The following TNRC6C variants were observed in gnomAD, a reference collection of about 807,000 sequenced individuals.
TNRC6C encodes trinucleotide repeat-containing gene 6C protein.
A neutral mutation model predicts 153.7 loss-of-function variants in TNRC6C; 20 were observed. That is an observed-to-expected ratio of 0.13 (90% confidence interval 0.09 to 0.19). The LOEUF (loss-of-function observed/expected upper bound fraction) is 0.19. TNRC6C is among the 10% of genes least tolerant of loss of function. TNRC6C has a pLI of 1.00. For missense variants in TNRC6C, 1,987 were observed against 2,172.0 expected (o/e 0.91, Z 1.69); for synonymous variants, 811 against 841.4 (o/e 0.96, Z 0.63).
At chr17:78,034,498 C>T (rs1170366991) in intron 2 of TNRC6C, among the ~76,000 whole-genome samples, 2 of 151,968 alleles carry the variant, frequency 1.3e-5, no homozygotes, top group South Asian at 2.1e-4. Context: ...GTTCATTGTC[C>T]CCCCGCACCC....
At position 78,072,916 on chromosome 17, in the gene TNRC6C, A is replaced by C; in HGVS notation, c.2860-121A>C. On this transcript the variant is annotated intron_variant, in intron 6 of 19. Transcript: ENST00000301624. ...TTGTCTCTAACCTCAACAGTGAAGA[A>C]ATGTATTTCCAGTTCCAAAACCTAA... The C allele has an allele frequency of 6.2e-6, 4 of 648,310 alleles. No homozygotes were observed. In the South Asian group the frequency reaches 8.7e-5, roughly 14 times the overall value. 40.2% of individuals were successfully genotyped at this position (648,310 alleles called of 1,614,324 possible).
intron 1 of TNRC6C, among the ~76,000 whole-genome samples, chr17:77,973,394 C>T (rs978804077): frequency 4.6e-5 from 7 of 152,168 alleles, no homozygotes; most frequent in Non-Finnish European, 8.8e-5. Flanking sequence ...TAATATTATA[C>T]GGAAGAGTGA....
At chr17:78,047,869 C>T (rs866053635) in intron 2 of TNRC6C, among the ~76,000 whole-genome samples, 3 of 151,870 alleles carry the variant, frequency 2.0e-5, no homozygotes, top group South Asian at 2.1e-4. Flanking sequence ...AAAAGTTGAT[C>T]GAAATATAAG....
At chr17:78,060,023 T>A (rs2072735586) in intron 3 of TNRC6C, among the ~76,000 whole-genome samples, 1 of 152,110 alleles carries the variant, frequency 6.6e-6, no homozygotes, top group Non-Finnish European at 1.5e-5. Context: ...AAGAAGCTGT[T>A]CTAAGGGAAG....
At chr17:77,973,264 A>G (rs917266561) in intron 1 of TNRC6C, among the ~76,000 whole-genome samples, 3 of 144,092 alleles carry the variant, frequency 2.1e-5, no homozygotes, top group African/African-American at 8.9e-5. Context: ...TAAATGCAGA[A>G]AAAGCATTTG....
rs139030959 is a variant in TNRC6C, at chr17:78,069,994, A to G, written c.2779-1091A>G. 1.6e-4 allele frequency among the ~76,000 whole-genome samples: 24 copies of G among 152,210 alleles called. No homozygotes were observed. In the East Asian group the frequency reaches 3.9e-3, roughly 24 times the overall value. Reference sequence around the variant, plus strand: ...GCAAATGGGGTGGCATGAGATGAAAACTTTCTTTATACCTTGTTTATACTT... The same window carrying G: ...GCAAATGGGGTGGCATGAGATGAAAGCTTTCTTTATACCTTGTTTATACTT... On this transcript the variant is annotated intron_variant, in intron 5 of 19. Transcript: ENST00000301624.
At position 78,086,850 on chromosome 17, in the gene TNRC6C, C is replaced by T; in HGVS notation, c.3562-3C>T. 1 of 1,611,112 alleles carries T rather than the reference C, an allele frequency of 6.2e-7. No individual in the cohort carries two copies. The highest frequency in any genetic ancestry group is 8.5e-7 in the Non-Finnish European group (1 of 1,179,180). ...TTAACGCACCTATGTCTCTGCCTGC[C>T]AGGTTGCGCGCACAATCACTAATCT... is the stretch of plus-strand genomic sequence containing the variant. On this transcript the variant is annotated splice_region_variant and splice_polypyrimidine_tract_variant and intron_variant, in intron 12 of 19. Coordinates refer to ENST00000301624, the Ensembl canonical transcript of TNRC6C.
intron 16 of TNRC6C, among the ~76,000 whole-genome samples, chr17:78,096,462 A>G (rs1324307789): frequency 1.3e-5 from 2 of 152,228 alleles, no homozygotes; most frequent in African/African-American, 4.8e-5. Context: ...TTACCCATAA[A>G]TGTTAACTTG....
intron 1 of TNRC6C, among the ~76,000 whole-genome samples, chr17:77,966,707 G>T (rs775873915): frequency 3.3e-5 from 5 of 152,142 alleles, no homozygotes; most frequent in Non-Finnish European, 5.9e-5. Flanking sequence ...ATAAATCCAA[G>T]TATGTGATGA....
chr17:77,995,388 G>A (rs973392244), intron 1 of TNRC6C, among the ~76,000 whole-genome samples: 5 of 152,206 alleles, frequency 3.3e-5, no homozygotes, highest in African/African-American at 1.2e-4. Context: ...TGTCTCTAGT[G>A]CCCTGTACTG....
At chr17:78,098,911 C>T (rs934943350) in intron 17 of TNRC6C, among the ~76,000 whole-genome samples, 1 of 152,204 alleles carries the variant, frequency 6.6e-6, no homozygotes, top group African/African-American at 2.4e-5. Context: ...CCCCTTCGCA[C>T]AGGGATCTGG....
upstream of TNRC6C, among the ~76,000 whole-genome samples, chr17:78,004,520 G>A (rs2071463323): frequency 6.6e-6 from 1 of 152,182 alleles, no homozygotes; most frequent in African/African-American, 2.4e-5. Context: ...GGTGAAGTGT[G>A]TCCATGTTGT....
chr17:77,995,084 A>G (rs1207578833), intron 1 of TNRC6C, among the ~76,000 whole-genome samples: 1 of 152,238 alleles, frequency 6.6e-6, no homozygotes, highest in Non-Finnish European at 1.5e-5. Flanking sequence ...TAGAATAATG[A>G]GGGATTGGCT....
At chr17:78,057,470 G>C (rs2072681229) in intron 3 of TNRC6C, among the ~76,000 whole-genome samples, 1 of 152,200 alleles carries the variant, frequency 6.6e-6, no homozygotes, top group African/African-American at 2.4e-5. Flanking sequence ...ATTACCCCCG[G>C]TGGCAGCCCC....
intron 8 of TNRC6C, among the ~76,000 whole-genome samples, chr17:78,076,699 T>TA (rs1043247687): frequency 1.3e-5 from 2 of 151,574 alleles, no homozygotes; most frequent in East Asian, 1.9e-4. Context: ...CAGTAGATGT[T>TA]AAAAAAAAAT....
intron 1 of TNRC6C, among the ~76,000 whole-genome samples, chr17:77,980,406 C>A (rs2071058586): frequency 6.6e-6 from 1 of 152,204 alleles, no homozygotes; most frequent in African/African-American, 2.4e-5. Context: ...CAGAGGACTT[C>A]TTTGACCAAA....
chr17:78,083,287 A>C lies in TNRC6C; in HGVS notation c.3477+121A>C, dbSNP rs1249524134. The C allele has an allele frequency of 3.7e-6, 5 of 1,346,758 alleles. No homozygotes were observed. The East Asian group carries it at 1.2e-4, about 32-fold the overall frequency. 83.4% of individuals were successfully genotyped at this position (1,346,758 alleles called of 1,614,324 possible). On this transcript the variant is annotated intron_variant, in intron 11 of 19. Transcript: ENST00000301624. ...CGTCAGGGATGTCATTGAGACTCTC[A>C]TGAAGTATTTAAACTCTTCATGAGT...
chr17:78,039,971 G>A (rs1211474778), intron 2 of TNRC6C, among the ~76,000 whole-genome samples: 1 of 152,248 alleles, frequency 6.6e-6, no homozygotes, highest in Non-Finnish European at 1.5e-5. Flanking sequence ...CAGTAGCCAA[G>A]GAGAGATAGT....
At chr17:78,099,734 T>A (rs1207761486) in intron 17 of TNRC6C, among the ~76,000 whole-genome samples, 1 of 152,170 alleles carries the variant, frequency 6.6e-6, no homozygotes, top group Non-Finnish European at 1.5e-5. Context: ...GTCCTCACAT[T>A]TCAAAACCAA....
Sources: allele counts gnomAD v4.1 joint callset (sites outside exome capture counted in the v4.1 genomes callset), GRCh38; gene constraint gnomAD v4.1.1; transcripts MANE v1.5; gene names NCBI Gene and HGNC (gene_info 2026-07-23, HGNC 2026-07-21).